EXOSC2: variants seen among roughly 807,000 people sequenced by gnomAD.
The protein encoded by EXOSC2 is exosome complex component RRP4.
EXOSC2 carries 29 observed loss-of-function variants against 37.6 expected under a neutral mutation model. The observed-to-expected ratio is 0.77, with a 90% confidence interval of 0.57 to 1.05. The LOEUF (loss-of-function observed/expected upper bound fraction) is 1.05, where lower values mean the gene tolerates loss of function less well. EXOSC2 is among the 50% of genes least tolerant of loss of function. The pLI, the probability that EXOSC2 is intolerant of heterozygous loss-of-function variation, is 0.00. For synonymous variants in EXOSC2, 119 were observed against 131.1 expected, an observed-to-expected ratio of 0.91 and a Z score of 0.63; for missense variants, 346 against 365.6, an observed-to-expected ratio of 0.95 and a Z score of 0.44.
rs893922729 is a variant in EXOSC2, at chr9:130,698,453, A to G, written c.360+202A>G. Among the ~76,000 whole-genome samples the G allele has an allele frequency of 6.6e-6, 1 of 152,218 alleles. No individual in the cohort carries two copies. The highest frequency in any genetic ancestry group is 1.5e-5 in the Non-Finnish European group (1 of 68,048). On this transcript the variant is annotated intron_variant, in intron 4 of 8. Transcript: ENST00000372358. The surrounding 1 kb of genome is among the most constrained non-coding windows in gnomAD (Gnocchi z 4.1). The stretch of plus-strand genomic sequence containing the variant: ...TCCCGAAAGAGGGAGCAGTTGGCAT[A>G]TGGTAGGATCAGAAACATCCATGGG...
In EXOSC2 at chr9:130,702,240, G is replaced by C; in HGVS notation, c.602G>C (p.Gly201Ala). 31 of 1,614,140 alleles carry C rather than the reference G, an allele frequency of 1.9e-5. No homozygotes were observed. The highest frequency in any genetic ancestry group is 2.5e-5 in the Non-Finnish European group (30 of 1,180,012). Residue 201 changes from glycine (G) to alanine (A), a missense_variant, in exon 7 of 9, where the codon GGC becomes GCC. Coordinates refer to ENST00000372358, the MANE Select transcript of EXOSC2 (RefSeq NM_014285.7). ...GCCTCAGTGATTCTCGGTAACAACG[G>C]CTTCATCTGGATTTACCCAACACCT... ...CGASVILGNNGFIWIYPTPEH... is the reference protein window; with the variant it reads ...CGASVILGNNAFIWIYPTPEH...
intron 7 of EXOSC2, 118 bp downstream of exon 7, chr9:130,702,428 T>G: frequency 1.3e-6 from 1 of 777,788 alleles, no homozygotes; most frequent in Non-Finnish European, 2.1e-6. Context: ...CTGAGTCACT[T>G]TGACTTTCCA....
intron 7 of EXOSC2, 41 bp from the exon 8 acceptor site, chr9:130,703,012 C>A: frequency 1.9e-6 from 3 of 1,586,730 alleles, no homozygotes; most frequent in South Asian, 2.3e-5. Flanking sequence ...GTATTTTGGT[C>A]CTGTTTGTAT....
intron 5 of EXOSC2, chr9:130,699,755 G>A (rs1474716463): frequency 9.7e-6 from 2 of 206,848 alleles, no homozygotes; most frequent in South Asian, 9.6e-5. Flanking sequence ...TAATCCCAGC[G>A]CTTTGGAAGG....
At chr9:130,701,963 T>A in intron 6 of EXOSC2, 171 bp from the exon 7 acceptor site, 1 of 1,422,422 alleles carries the variant, frequency 7.0e-7, no homozygotes, top group Non-Finnish European at 9.2e-7. Context: ...AGCCTCTGAG[T>A]CCCAAAGCGT....
Position 130,693,850 on chromosome 9 carries a change from G to A in EXOSC2, c.59G>A (p.Arg20His). Residue 20 changes from arginine to histidine, a missense_variant, in exon 1 of 9, where the codon CGC becomes CAC. By Grantham distance (29) the Arg-to-His change is conservative (BLOSUM62 0). Transcript: ENST00000372358. ...ARKPLSERLGRDTKKHLVVPG... is the reference protein window; with the variant it reads ...ARKPLSERLGHDTKKHLVVPG... ...AAGCCTCTTAGCGAGAGACTGGGCC[G>A]CGACACTAAGAAACATCTAGTGGTG... The A allele has an allele frequency of 6.2e-7, 1 of 1,612,568 alleles. No individual in the cohort carries two copies. The highest frequency in any genetic ancestry group is 8.5e-7 in the Non-Finnish European group (1 of 1,178,974).
At position 130,704,553 on chromosome 9, in the gene EXOSC2, CT is replaced by C. The variant is rs1282231828; in HGVS notation, c.*783del. ...TCAAAGAAAAAAAAAAACAAGCAGC[CT>C]TTTGCTTGGTTGGAATCTGATTTTC... is the stretch of plus-strand genomic sequence containing the variant. On this transcript the variant is annotated 3_prime_UTR_variant, in exon 9 of 9. Coordinates refer to ENST00000372358, the MANE Select transcript of EXOSC2 (RefSeq NM_014285.7). The C allele has an allele frequency of 6.6e-6, 1 of 151,902 alleles. No homozygotes were observed. Among genetic ancestry groups the C allele is most frequent in the African/African-American group, 2.4e-5 (1 of 41,390 alleles). The allele number at this position is 151,902 out of a possible 1,614,324, so 9.4% of individuals were successfully genotyped here.
chr9:130,695,353 G>C (rs1831069769), intron 1 of EXOSC2, 139 bp from the exon 2 acceptor site: 1 of 709,184 alleles, frequency 1.4e-6, no homozygotes, highest in Non-Finnish European at 2.5e-6. Flanking sequence ...GAGCACTGAA[G>C]GCAGAGGGAG....
In EXOSC2 at chr9:130,699,353, C is replaced by T. The variant is rs1831162319; in HGVS notation, c.385C>T (p.Leu129Phe). The T allele has an allele frequency of 6.2e-7, 1 of 1,614,200 alleles. No individual in the cohort carries two copies. Among genetic ancestry groups the T allele is most frequent in the Middle Eastern group, 1.7e-4 (1 of 6,060 alleles). ...GAGGAGAAGATCTGCAGAAGATGAG[C>T]TTGCAATGAGAGGTTTCTTACAGGA... ...ELRRRSAEDELAMRGFLQEGD... is the reference protein window; with the variant it reads ...ELRRRSAEDEFAMRGFLQEGD... The change falls in exon 5 of 9, where the codon CTT (leucine) becomes TTT (phenylalanine). Residue 129 changes from leucine to phenylalanine, a missense_variant. Coordinates refer to ENST00000372358, the MANE Select transcript of EXOSC2 (RefSeq NM_014285.7).
chr9:130,695,192 A>T (rs1008717545), intron 1 of EXOSC2, among the ~76,000 whole-genome samples: 4 of 152,218 alleles, frequency 2.6e-5, no homozygotes, highest in African/African-American at 9.7e-5. Flanking sequence ...TAGGGAAAAA[A>T]GTGGAGCAGG....
rs1831162826 is a variant in EXOSC2, at chr9:130,699,372, TA to T, written c.405del (p.Leu135PhefsTer27). The T allele has an allele frequency of 6.2e-7, 1 of 1,614,094 alleles. No homozygotes were observed. The highest frequency in any genetic ancestry group is 1.3e-5 in the African/African-American group (1 of 74,934). ...AEDELAMRGFLQEGDLISAEV... is the reference protein window; with the variant it reads ...AEDELAMRGFXQEGDLISAEV... ...GATGAGCTTGCAATGAGAGGTTTCTTACAGGAAGGGGACCTTATCAGTGTAT... is the reference window on the plus strand; with the variant it reads ...GATGAGCTTGCAATGAGAGGTTTCTTCAGGAAGGGGACCTTATCAGTGTAT... On this transcript the variant is annotated frameshift_variant, in exon 5 of 9. Coordinates refer to ENST00000372358, the MANE Select transcript of EXOSC2 (RefSeq NM_014285.7). LOFTEE classifies it high-confidence loss of function.
rs1197037375 is a variant in EXOSC2 at position 130,704,634 on chromosome 9, A to C, written c.*860A>C. On this transcript the variant is annotated 3_prime_UTR_variant, in exon 9 of 9. Coordinates refer to ENST00000372358, the MANE Select transcript of EXOSC2 (RefSeq NM_014285.7). Reference sequence around the variant, plus strand: ...GATTATGTCCACACCGGGCTGCCTTAATCTGTCCTGCTTGGAGAGTGACTT... The same window carrying C: ...GATTATGTCCACACCGGGCTGCCTTCATCTGTCCTGCTTGGAGAGTGACTT... 1 of 152,066 alleles carries C rather than the reference A, an allele frequency of 6.6e-6. No homozygotes were observed. Among genetic ancestry groups the C allele is most frequent in the East Asian group, 1.9e-4 (1 of 5,194 alleles). The allele number at this position is 152,066 out of a possible 1,614,324, so 9.4% of individuals were successfully genotyped here. A position where few individuals can be genotyped will look rare whatever the true frequency, so the allele number is the denominator to read the frequency against.
Position 130,698,093 on chromosome 9 carries a change from C to G in EXOSC2, c.271-69C>G. 1 of 1,477,798 alleles carries G rather than the reference C, an allele frequency of 6.8e-7. No individual in the cohort carries two copies. 91.5% of individuals were successfully genotyped at this position (1,477,798 alleles called of 1,614,324 possible). ...ACAGGCGTGAGCCACCACATCTGGC[C>G]TTACTGGTTATTTATGATATGACAC... On this transcript the variant is annotated intron_variant, in intron 3 of 8. Transcript: ENST00000372358. This position sits in a 1 kb window ranked among gnomAD's most constrained non-coding sequence, Gnocchi z 4.1.
At chr9:130,697,440 C>A in intron 2 of EXOSC2, 142 bp from the exon 3 acceptor site, 1 of 748,150 alleles carries the variant, frequency 1.3e-6, no homozygotes, top group Admixed American at 2.1e-5. Context: ...AAAGTAAGTC[C>A]AGACAATATA....
At chr9:130,695,176 A>T (rs563649230) in intron 1 of EXOSC2, among the ~76,000 whole-genome samples, 2 of 152,340 alleles carry the variant, frequency 1.3e-5, no homozygotes, top group Admixed American at 1.3e-4. Flanking sequence ...TTAGGCAATA[A>T]TGCAATAGGG....
intron 6 of EXOSC2, chr9:130,701,172 C>G (rs969638860): frequency 1.6e-5 from 7 of 441,120 alleles, no homozygotes; most frequent in Non-Finnish European, 2.9e-5. Flanking sequence ...TCCAAGGAGA[C>G]TGACTTTCAC....
chr9:130,699,574 G>T, intron 5 of EXOSC2, 180 bp downstream of exon 5: 1 of 649,058 alleles, frequency 1.5e-6, no homozygotes, highest in Non-Finnish European at 2.7e-6. Flanking sequence ...TGACTCCCCA[G>T]CTCTTGTTGG....
chr9:130,700,793 C>T, intron 5 of EXOSC2, 74 bp from the exon 6 acceptor site: 1 of 1,416,268 alleles, frequency 7.1e-7, no homozygotes, highest in Non-Finnish European at 9.9e-7. Flanking sequence ...GGTGTGGGGT[C>T]AAGGGGAGAG....
At chr9:130,703,321 C>G (rs755820143) in intron 8 of EXOSC2, 140 bp downstream of exon 8, 1 of 953,264 alleles carries the variant, frequency 1.0e-6, no homozygotes, top group Admixed American at 3.1e-5. Context: ...TAATGAGTGT[C>G]TGGTAGATCT....
Sources: allele counts gnomAD v4.1 joint callset (sites outside exome capture counted in the v4.1 genomes callset), GRCh38; gene constraint gnomAD v4.1.1; non-coding constraint Gnocchi (gnomAD v3.1); transcripts MANE v1.5; gene names NCBI Gene and HGNC (gene_info 2026-07-23, HGNC 2026-07-21).